NSD3: variants seen among roughly 807,000 people sequenced by gnomAD.
The protein encoded by NSD3 is histone-lysine N-methyltransferase NSD3.
In NSD3, 24 loss-of-function variants were observed where a neutral mutation model predicts 160.8. The ratio of observed to expected loss-of-function variants is 0.15; its 90% CI spans 0.11 to 0.21. NSD3 has a LOEUF of 0.21. Ranked by LOEUF, NSD3 falls within the 10% of genes least tolerant of loss-of-function variation. The probability of loss-of-function intolerance (pLI) is 1.00; values close to 1 mark genes in which losing one functional copy is unlikely to be tolerated. For synonymous variants in NSD3, 520 were observed against 600.0 expected (o/e 0.87, Z 1.95); for missense variants, 1,157 against 1,735.9 (o/e 0.67, Z 5.93).
At chr8:38,284,819 T>C (rs1808820755) in intron 19 of NSD3, among the ~76,000 whole-genome samples, 2 of 152,236 alleles carry the variant, frequency 1.3e-5, no homozygotes, top group Admixed American at 6.5e-5. Flanking sequence ...CTTTAAAAGC[T>C]TGATCATGAT....
At chr8:38,293,208 A>C (rs1185706572) in intron 16 of NSD3, among the ~76,000 whole-genome samples, 1 of 152,144 alleles carries the variant, frequency 6.6e-6, no homozygotes, top group African/African-American at 2.4e-5. Flanking sequence ...ATCTCAGCTA[A>C]AAATGAAGTT....
rs1358576957 is a variant in NSD3, at chr8:38,275,690, A to G, written c.4265T>C (p.Ile1422Thr). Residue 1422 changes from isoleucine to threonine, a missense_variant, in exon 24 of 24, where the codon ATA (isoleucine) becomes ACA (threonine). This residue lies in a region of NSD3 where 222 missense variants were observed against 409.9 expected (regional missense o/e 0.54). Transcript: ENST00000317025. ...APVSPEYWSK[I>T]KCKWESQDHG... ...ATCTTGTGATTCCCATTTACATTTTATCTTGCTCCAGTATTCTGGTGACAC... is the reference window on the plus strand; with the variant it reads ...ATCTTGTGATTCCCATTTACATTTTGTCTTGCTCCAGTATTCTGGTGACAC... 3 of 1,614,062 alleles carry G rather than the reference A, an allele frequency of 1.9e-6. No individual in the cohort carries two copies. Among genetic ancestry groups the G allele is most frequent in the East Asian group, 2.2e-5 (1 of 44,898 alleles).
At chr8:38,364,097 A>T (rs1811051226) in intron 1 of NSD3, among the ~76,000 whole-genome samples, 1 of 151,380 alleles carries the variant, frequency 6.6e-6, no homozygotes, top group Non-Finnish European at 1.5e-5. Context: ...ACCTGGTGAA[A>T]CCCCGTGTCT....
intron 4 of NSD3, among the ~76,000 whole-genome samples, chr8:38,332,046 C>A (rs1198754207): frequency 6.6e-6 from 1 of 151,912 alleles, no homozygotes; most frequent in Non-Finnish European, 1.5e-5. Context: ...TGTGCCTTAG[C>A]CTCTTGAGCA....
At chr8:38,287,116 A>G (rs562317859) in intron 19 of NSD3, among the ~76,000 whole-genome samples, 1 of 152,242 alleles carries the variant, frequency 6.6e-6, no homozygotes, top group Non-Finnish European at 1.5e-5. Context: ...CATGTACCGA[A>G]TAACTGAATT....
chr8:38,319,037 G>A lies in NSD3; in HGVS notation c.1810-97C>T. 1 of 1,080,442 alleles carries A rather than the reference G, an allele frequency of 9.3e-7. No individual in the cohort carries two copies. Among genetic ancestry groups the A allele is most frequent in the South Asian group, 1.5e-5 (1 of 68,808 alleles). 66.9% of individuals were successfully genotyped at this position (1,080,442 alleles called of 1,614,324 possible). A position where few individuals can be genotyped will look rare whatever the true frequency, so the allele number is the denominator to read the frequency against. ...TACTTTCATCAATCTAAGCAATGAT[G>A]AGTGATTAATGTATCTGAAATCTGA... is the stretch of plus-strand genomic sequence containing the variant. On this transcript the variant is annotated intron_variant, in intron 8 of 23. Transcript: ENST00000317025. The surrounding 1 kb of genome is among the most constrained non-coding windows in gnomAD (Gnocchi z 4.1).
intron 1 of NSD3, among the ~76,000 whole-genome samples, chr8:38,377,791 G>A (rs907700949): frequency 6.6e-6 from 1 of 152,114 alleles, no homozygotes; most frequent in South Asian, 2.1e-4. Flanking sequence ...AAAATTAGCC[G>A]GCACGGTGGT....
At chr8:38,328,701 T>C (rs1297108775) in intron 6 of NSD3, among the ~76,000 whole-genome samples, 4 of 152,206 alleles carry the variant, frequency 2.6e-5, no homozygotes, top group Non-Finnish European at 5.9e-5. Flanking sequence ...GGGATGGTAG[T>C]GAAGAGGTAC....
intron 22 of NSD3, 37 bp from the exon 23 acceptor site, chr8:38,276,537 C>T: frequency 1.2e-6 from 2 of 1,609,100 alleles, no homozygotes; most frequent in Non-Finnish European, 1.7e-6. Flanking sequence ...TCAAACATCA[C>T]AGACAGTGCA....
chr8:38,320,512 A>C (rs988027207), intron 8 of NSD3: 1 of 152,036 alleles, frequency 6.6e-6, no homozygotes, highest in Non-Finnish European at 1.5e-5. Context: ...ACCCCCCCAC[A>C]CACCTTTTTT....
intron 3 of NSD3, among the ~76,000 whole-genome samples, chr8:38,337,824 CTA>C (rs1345424248): frequency 6.6e-6 from 1 of 152,026 alleles, no homozygotes; most frequent in African/African-American, 2.4e-5. Flanking sequence ...AAAAAAGAAA[CTA>C]TGTATAAAGT....
At chr8:38,303,090 C>T (rs1401172540) in intron 14 of NSD3, 2 of 319,172 alleles carry the variant, frequency 6.3e-6, no homozygotes, top group East Asian at 1.7e-4. Flanking sequence ...CTAAATTATG[C>T]ATGCTTATAC....
chr8:38,318,092 G>A lies in NSD3; in HGVS notation c.1855+803C>T. ...CAGGCCTCCTAATCTCGCAGCGATC[G>A]CGATGTCTTTTCTTGGAGCTCCGCC... On this transcript the variant is annotated intron_variant, in intron 9 of 23. Transcript: ENST00000317025. This position sits in a 1 kb window ranked among gnomAD's most constrained non-coding sequence, Gnocchi z 5.3. The A allele has an allele frequency of 2.5e-6, 4 of 1,603,560 alleles. No individual in the cohort carries two copies. The highest frequency in any genetic ancestry group is 3.4e-6 in the Non-Finnish European group (4 of 1,173,752).
At chr8:38,280,865 G>A (rs1808717841) in intron 20 of NSD3, among the ~76,000 whole-genome samples, 1 of 150,946 alleles carries the variant, frequency 6.6e-6, no homozygotes, top group African/African-American at 2.4e-5. Context: ...TGATCCTCCT[G>A]CCTCGGCCTC....
At chr8:38,353,801 ATTTT>A (rs1379970211) in intron 1 of NSD3, among the ~76,000 whole-genome samples, 1 of 152,146 alleles carries the variant, frequency 6.6e-6, no homozygotes, top group Non-Finnish European at 1.5e-5. Context: ...CATTAACTTC[ATTTT>A]TTAGGTAACC....
Position 38,337,222 on chromosome 8 carries a change from G to A in NSD3, c.910+83C>T, listed in dbSNP as rs1810243382. On this transcript the variant is annotated intron_variant, in intron 4 of 23. Transcript: ENST00000317025. Reference sequence around the variant, plus strand: ...TTGTATCAGATTATATATTACGTGTGTATTCTTATATTCACATACAACATT... The same window carrying A: ...TTGTATCAGATTATATATTACGTGTATATTCTTATATTCACATACAACATT... 6 of 1,206,042 alleles carry A rather than the reference G, an allele frequency of 5.0e-6. No individual in the cohort carries two copies. In the South Asian group the frequency reaches 8.4e-5, roughly 17 times the overall value. 74.7% of individuals were successfully genotyped at this position (1,206,042 alleles called of 1,614,324 possible). A position where few individuals can be genotyped will look rare whatever the true frequency, so the allele number is the denominator to read the frequency against.
chr8:38,322,745 G>T (rs1809819971), intron 7 of NSD3, among the ~76,000 whole-genome samples: 1 of 152,190 alleles, frequency 6.6e-6, no homozygotes, highest in Non-Finnish European at 1.5e-5. Flanking sequence ...GAAATCTAGT[G>T]TGAATACAAG....
chr8:38,277,269 T>A (rs1331039909), intron 22 of NSD3, among the ~76,000 whole-genome samples: 1 of 152,020 alleles, frequency 6.6e-6, no homozygotes, highest in Non-Finnish European at 1.5e-5. Context: ...AGGGTGCTTT[T>A]TATTATTTTT....
intron 1 of NSD3, chr8:38,363,839 C>T (rs546246453): frequency 6.6e-6 from 1 of 152,248 alleles, no homozygotes; most frequent in Non-Finnish European, 1.5e-5. Context: ...GTTACAGCAG[C>T]AACAAGGGTT....
Sources: gnomAD v4.1 joint callset for allele counts (sites outside exome capture counted in the v4.1 genomes callset) on GRCh38, gnomAD v4.1.1 for gene constraint, gnomAD v4.1.1 regional missense constraint, Gnocchi (gnomAD v3.1) non-coding constraint, MANE v1.5 for transcripts, NCBI Gene and HGNC (gene_info 2026-07-23, HGNC 2026-07-21) for gene names.